Variants in PTPRK observed in about 807,000 individuals in gnomAD.
PTPRK encodes receptor-type tyrosine-protein phosphatase kappa.
A neutral mutation model predicts 178.0 loss-of-function variants in PTPRK; 75 were observed. That is an observed-to-expected ratio of 0.42 (90% CI 0.35 to 0.51). The LOEUF (loss-of-function observed/expected upper bound fraction) is 0.51, where lower values mean the gene tolerates loss of function less well. PTPRK is among the 20% of genes least tolerant of loss of function. PTPRK has a pLI of 0.02. For missense variants in PTPRK, 1,441 were observed against 1,797.8 expected (o/e 0.80, Z 3.59); for synonymous variants, 637 against 620.6 (o/e 1.03, Z -0.39).
At chr6:128,159,736 G>C (rs1421178577) in intron 7 of PTPRK, among the ~76,000 whole-genome samples, 2 of 151,606 alleles carry the variant, frequency 1.3e-5, no homozygotes. Flanking sequence ...GCTTGTGCTG[G>C]TACCAATAAA....
At chr6:128,501,253 T>G (rs1302558291) in intron 1 of PTPRK, 2 of 152,128 alleles carry the variant, frequency 1.3e-5, no homozygotes, top group Non-Finnish European at 2.9e-5. Flanking sequence ...GGAAAGTAAA[T>G]TTTTTTCCTG....
At chr6:128,381,012 A>G (rs1246463735) in intron 2 of PTPRK, among the ~76,000 whole-genome samples, 3 of 152,140 alleles carry the variant, frequency 2.0e-5, no homozygotes, top group African/African-American at 4.8e-5. Flanking sequence ...ATTTTTTTTC[A>G]AATCTAGATA....
At chr6:128,311,174 G>C (rs188723379) in intron 3 of PTPRK, among the ~76,000 whole-genome samples, 1 of 152,218 alleles carries the variant, frequency 6.6e-6, no homozygotes, top group Non-Finnish European at 1.5e-5. Context: ...AGGGAACTAA[G>C]TAACAAAAAT....
chr6:128,418,809 GT>G (rs1412092310), intron 1 of PTPRK, among the ~76,000 whole-genome samples: 3 of 152,210 alleles, frequency 2.0e-5, no homozygotes, highest in African/African-American at 7.2e-5. Flanking sequence ...TGCTTAGGGT[GT>G]CTCTGACATT....
chr6:128,233,234 A>G (rs1409993246), intron 5 of PTPRK, among the ~76,000 whole-genome samples: 1 of 152,254 alleles, frequency 6.6e-6, no homozygotes, highest in Non-Finnish European at 1.5e-5. Flanking sequence ...GTGAGCCGTA[A>G]CTACTAGGCC....
At chr6:127,979,103 T>C (rs1774947273) in intron 25 of PTPRK, among the ~76,000 whole-genome samples, 1 of 151,878 alleles carries the variant, frequency 6.6e-6, no homozygotes, top group South Asian at 2.1e-4. Flanking sequence ...AGACCCCATC[T>C]TTACAAAAAA....
intron 5 of PTPRK, among the ~76,000 whole-genome samples, chr6:128,239,748 A>C (rs892102967): frequency 6.6e-6 from 1 of 152,234 alleles, no homozygotes; most frequent in Non-Finnish European, 1.5e-5. Context: ...TTCATATTTC[A>C]AATGGATCTA....
intron 2 of PTPRK, among the ~76,000 whole-genome samples, chr6:128,354,885 G>A (rs1031072830): frequency 2.0e-5 from 3 of 152,152 alleles, no homozygotes; most frequent in Non-Finnish European, 4.4e-5. Flanking sequence ...GCCTCCAATG[G>A]TCAGCCCTTA....
Position 128,520,414 on chromosome 6 carries a change from C to G in PTPRK, c.-56G>C, listed in dbSNP as rs1422348948. 1.3e-5 allele frequency: 20 copies of G among 1,524,088 alleles called. No individual in the cohort carries two copies. Among genetic ancestry groups the G allele is most frequent in the Non-Finnish European group, 2.7e-6 (3 of 1,120,758 alleles). 94.4% of individuals were successfully genotyped at this position (1,524,088 alleles called of 1,614,324 possible). ...TGCAAAGAGCTGCCGGGGGGATCGC[C>G]GCGAAATCCACGACGGAGGAGCGGG... is the stretch of plus-strand genomic sequence containing the variant. On this transcript the variant is annotated 5_prime_UTR_variant, in exon 1 of 30. Transcript: ENST00000368226.
At chr6:128,340,724 T>C (rs2128330981) in intron 2 of PTPRK, 1 of 442,946 alleles carries the variant, frequency 2.3e-6, no homozygotes, top group East Asian at 6.3e-5. Context: ...GAACCAAAAA[T>C]GCAAATAGAT....
chr6:128,226,761 CATATATATATATATATAT>C (rs71028117), intron 5 of PTPRK, among the ~76,000 whole-genome samples: 1,655 of 109,548 alleles, frequency 0.015, 50 homozygotes, highest in African/African-American at 0.05. Context: ...ATTATATAGA[CATATATATATATATATAT>C]ATATATATAT....
At chr6:128,158,611 C>A (rs1222461167) in intron 7 of PTPRK, among the ~76,000 whole-genome samples, 2 of 151,792 alleles carry the variant, frequency 1.3e-5, no homozygotes, top group Non-Finnish European at 2.9e-5. Context: ...TAAAATAAAT[C>A]ATTTAAGAGT....
chr6:128,265,325 A>G (rs1342775442), intron 3 of PTPRK, among the ~76,000 whole-genome samples: 2 of 152,176 alleles, frequency 1.3e-5, no homozygotes. Context: ...AAGATAACTA[A>G]TTTTTGAAAC....
chr6:128,048,668 C>T (rs1233747110), intron 13 of PTPRK, among the ~76,000 whole-genome samples: 3 of 152,088 alleles, frequency 2.0e-5, no homozygotes, highest in Admixed American at 6.5e-5. Flanking sequence ...GTTCTGCATC[C>T]GAAGAGTCAA....
intron 1 of PTPRK, among the ~76,000 whole-genome samples, chr6:128,412,949 C>T (rs1185901425): frequency 6.6e-6 from 1 of 152,126 alleles, no homozygotes; most frequent in African/African-American, 2.4e-5. Flanking sequence ...ATTTGGACAA[C>T]CCTTTAGAGA....
intron 3 of PTPRK, among the ~76,000 whole-genome samples, chr6:128,288,374 T>C (rs1822849686): frequency 6.6e-6 from 1 of 152,220 alleles, no homozygotes; most frequent in South Asian, 2.1e-4. Flanking sequence ...CAAAAGTGAA[T>C]CTAGATTATT....
intron 2 of PTPRK, among the ~76,000 whole-genome samples, chr6:128,345,108 CAG>C (rs1189473019): frequency 2.0e-5 from 3 of 149,936 alleles, no homozygotes; most frequent in Non-Finnish European, 4.4e-5. Context: ...TTTAAGAAGT[CAG>C]AGAGAGTTCT....
intron 7 of PTPRK, among the ~76,000 whole-genome samples, chr6:128,146,547 G>A (rs151106159): frequency 0.011 from 1,630 of 151,462 alleles, 50 homozygotes; most frequent in East Asian, 0.041. Flanking sequence ...GGGTTCAAGC[G>A]ATTCTCCTGC....
intron 6 of PTPRK, among the ~76,000 whole-genome samples, chr6:128,193,761 G>T (rs770514806): frequency 2.0e-5 from 3 of 151,962 alleles, no homozygotes; most frequent in Admixed American, 1.3e-4. Context: ...TTACCATGGC[G>T]TTTTATTCAC....
Sources: allele counts gnomAD v4.1 joint callset (sites outside exome capture counted in the v4.1 genomes callset), GRCh38; gene constraint gnomAD v4.1.1; transcripts MANE v1.5; gene names NCBI Gene and HGNC (gene_info 2026-07-23, HGNC 2026-07-21).